The following CCNY variants were observed in gnomAD, a reference collection of about 807,000 sequenced individuals.
CCNY encodes the protein cyclin-Y.
Under a neutral mutation model 42.8 loss-of-function variants are expected in CCNY, and 19 were observed. That is an observed-to-expected ratio of 0.44 (90% CI 0.31 to 0.65). The LOEUF (loss-of-function observed/expected upper bound fraction) is 0.65, where lower values mean the gene tolerates loss of function less well. Among genes scored for constraint, CCNY ranks in the 30% least tolerant of loss-of-function variants. The pLI is 0.07. For missense variants in CCNY, 370 were observed against 437.3 expected, an observed-to-expected ratio of 0.85 and a Z score of 1.37; for synonymous variants, 165 against 162.7, an observed-to-expected ratio of 1.01 and a Z score of -0.11.
chr10:35,270,977 A>G (rs938882213), intron 3 of CCNY, among the ~76,000 whole-genome samples: 17 of 152,076 alleles, frequency 1.1e-4, no homozygotes, highest in Admixed American at 2.6e-4. Context: ...CGCCCGCCTC[A>G]GCCTCCCAAA....
rs929598260 is a variant in CCNY at position 35,562,488 on chromosome 10, C to T, written c.747-3535C>T. On this transcript the variant is annotated intron_variant, in intron 8 of 9. Coordinates refer to ENST00000374704, the MANE Select transcript of CCNY (RefSeq NM_145012.6). ...AACTTGCCATTCCTCCTTCCTCCAG[C>T]TCCTGGTGATCACTGTCCTACTTTT... is the stretch of plus-strand genomic sequence containing the variant. Among the ~76,000 whole-genome samples the T allele has an allele frequency of 1.8e-4, 27 of 152,232 alleles. 1 individual carries two copies. The highest frequency in any genetic ancestry group is 1.5e-5 in the Non-Finnish European group (1 of 68,046).
At chr10:35,266,703 G>A (rs1003169366) in intron 3 of CCNY, among the ~76,000 whole-genome samples, 9 of 152,068 alleles carry the variant, frequency 5.9e-5, no homozygotes, top group Non-Finnish European at 8.8e-5. Flanking sequence ...GTCATTAAGC[G>A]TTCTTATTTT....
Position 35,325,242 on chromosome 10 carries a change from GA to G in CCNY, c.-9+74617del, listed in dbSNP as rs1182016617. On this transcript the variant is annotated intron_variant, in intron 3 of 11. Coordinates refer to the CCNY transcript ENST00000374706. ...CACCCAGGCTGGAATGCAGTGGCAT[GA>G]TCTCGGCTCACTGCAACCTCTGCCT... is the stretch of plus-strand genomic sequence containing the variant. Among the ~76,000 whole-genome samples the G allele has an allele frequency of 3.9e-5, 6 of 152,302 alleles. No individual in the cohort carries two copies. The East Asian group carries it at 1.2e-3, about 29-fold the overall frequency.
At chr10:35,249,743 G>C (rs1042218403) in intron 2 of CCNY, among the ~76,000 whole-genome samples, 5 of 152,130 alleles carry the variant, frequency 3.3e-5, no homozygotes, top group African/African-American at 1.2e-4. Context: ...TCGCAGCTTT[G>C]AAAAAGATCT....
intron 4 of CCNY, among the ~76,000 whole-genome samples, chr10:35,519,812 C>G (rs1448569392): frequency 2.0e-5 from 2 of 100,676 alleles, no homozygotes; most frequent in Non-Finnish European, 3.6e-5. Context: ...GAGACAGGAT[C>G]TCTGTCCCCA....
At chr10:35,349,962 A>G (rs1455365029) in intron 1 of CCNY, among the ~76,000 whole-genome samples, 1 of 152,186 alleles carries the variant, frequency 6.6e-6, no homozygotes, top group East Asian at 1.9e-4. Context: ...ACTTGCACAC[A>G]TCACGGCCTC....
chr10:35,498,405 G>T (rs1018769773), intron 2 of CCNY, among the ~76,000 whole-genome samples: 1 of 152,134 alleles, frequency 6.6e-6, no homozygotes, highest in Non-Finnish European at 1.5e-5. Flanking sequence ...ACCAGCCAAG[G>T]GCCAGCCTTG....
At chr10:35,395,605 A>T (rs1015487422) in intron 1 of CCNY, among the ~76,000 whole-genome samples, 1 of 152,256 alleles carries the variant, frequency 6.6e-6, no homozygotes, top group East Asian at 1.9e-4. Context: ...GAGGGGGGCA[A>T]TTCAGCTAAA....
intron 1 of CCNY, among the ~76,000 whole-genome samples, chr10:35,473,756 A>G (rs1414562540): frequency 6.6e-6 from 1 of 152,170 alleles, no homozygotes; most frequent in African/African-American, 2.4e-5. Flanking sequence ...TTTGTCATTG[A>G]AAAACATCAT....
intron 3 of CCNY, among the ~76,000 whole-genome samples, chr10:35,255,010 G>A (rs2095714502): frequency 6.6e-6 from 1 of 152,144 alleles, no homozygotes; most frequent in Non-Finnish European, 1.5e-5. Context: ...CTAACAAAGG[G>A]TCTACCCTGG....
rs1273592792 is a variant in CCNY at position 35,465,936 on chromosome 10, A to AGTGTGT, written c.155-17467_155-17466insTGTGTG. ...GAGAGAGAGAGAGAGAGAGAGAGAG[A>AGTGTGT]GAGTGTGTGTGTGTGTGTGTGTGTC... On this transcript the variant is annotated intron_variant, in intron 1 of 9. Transcript: ENST00000374704. Among the ~76,000 whole-genome samples the AGTGTGT allele has an allele frequency of 1.4e-4, 16 of 117,656 alleles. 1 individual carries two copies. The South Asian group carries it at 1.6e-3, about 12-fold the overall frequency. 77.2% of individuals were successfully genotyped at this position (117,656 alleles called of 152,430 possible).
chr10:35,505,335 G>T (rs530490836), intron 3 of CCNY, among the ~76,000 whole-genome samples: 1 of 151,568 alleles, frequency 6.6e-6, no homozygotes, highest in Non-Finnish European at 1.5e-5. Flanking sequence ...AGCTTCCTTT[G>T]TCTTGTTTGC....
At chr10:35,526,021 A>G (rs779852408) in intron 5 of CCNY, 22 bp downstream of exon 5, 11 of 1,598,628 alleles carry the variant, frequency 6.9e-6, no homozygotes, top group South Asian at 1.1e-5. Context: ...GTTGTGTGCT[A>G]AAAACATCAT....
intron 3 of CCNY, among the ~76,000 whole-genome samples, chr10:35,510,787 A>T (rs1449025099): frequency 1.3e-5 from 2 of 152,218 alleles, no homozygotes; most frequent in Non-Finnish European, 2.9e-5. Context: ...ATTTTAATTA[A>T]TTACGAAAGG....
intron 1 of CCNY, among the ~76,000 whole-genome samples, chr10:35,447,637 G>A (rs901582468): frequency 6.6e-6 from 1 of 152,320 alleles, no homozygotes; most frequent in East Asian, 1.9e-4. Context: ...TAGTAGCAGT[G>A]TCATTGCAGT....
At chr10:35,432,525 G>T (rs1339320520) in intron 1 of CCNY, among the ~76,000 whole-genome samples, 1 of 152,148 alleles carries the variant, frequency 6.6e-6, no homozygotes, top group African/African-American at 2.4e-5. Flanking sequence ...TATGCTTTGG[G>T]TATAAGAGTA....
At chr10:35,316,809 G>C (rs1835765512) in intron 3 of CCNY, among the ~76,000 whole-genome samples, 1 of 152,158 alleles carries the variant, frequency 6.6e-6, no homozygotes, top group Non-Finnish European at 1.5e-5. Context: ...TATCAATAAA[G>C]CAAGAATTCA....
chr10:35,494,650 C>A (rs1839971750), intron 2 of CCNY, among the ~76,000 whole-genome samples: 1 of 152,064 alleles, frequency 6.6e-6, no homozygotes, highest in East Asian at 1.9e-4. Flanking sequence ...ATATCACAAT[C>A]TATAGGAAAA....
At chr10:35,433,667 A>G (rs1335315442) in intron 1 of CCNY, among the ~76,000 whole-genome samples, 5 of 152,234 alleles carry the variant, frequency 3.3e-5, no homozygotes, top group Non-Finnish European at 7.3e-5. Context: ...GCTGGAGTAC[A>G]GTGGTGCGAT....
Sources: gnomAD v4.1 joint callset for allele counts (sites outside exome capture counted in the v4.1 genomes callset) on GRCh38, gnomAD v4.1.1 for gene constraint, MANE v1.5 for transcripts, NCBI Gene and HGNC (gene_info 2026-07-23, HGNC 2026-07-21) for gene names.